ANXA8: variants seen among roughly 807,000 people sequenced by gnomAD.
The protein encoded by ANXA8 is VAC-beta.
A neutral mutation model predicts 26.8 loss-of-function variants in ANXA8; 9 were observed. The observed-to-expected ratio is 0.34, with a 90% CI of 0.20 to 0.59. The LOEUF is 0.59. Among genes scored for constraint, ANXA8 ranks in the 20% least tolerant of loss-of-function variants. The probability of loss-of-function intolerance (pLI) is 0.84; values close to 1 mark genes in which losing one functional copy is unlikely to be tolerated. For missense variants in ANXA8, 83 were observed against 238.5 expected, an observed-to-expected ratio of 0.35 and a Z score of 4.29; for synonymous variants, 39 against 94.8, an observed-to-expected ratio of 0.41 and a Z score of 3.42.
the ANXA8 span, among the ~76,000 whole-genome samples, chr10:47,940,806 C>T: frequency 9.5e-5 from 13 of 137,006 alleles, no homozygotes; most frequent in South Asian, 2.3e-4. Flanking sequence ...CCAGCTTAGG[C>T]GACAGAGTGA....
At chr10:47,554,929 C>G in the ANXA8 span, among the ~76,000 whole-genome samples, 1 of 151,550 alleles carries the variant, frequency 6.6e-6, no homozygotes, top group Non-Finnish European at 1.5e-5. Flanking sequence ...TCCTTTTGGT[C>G]TCATGAAGCC....
chr10:47,533,199 A>ACACG, the ANXA8 span, among the ~76,000 whole-genome samples: 1 of 140,060 alleles, frequency 7.1e-6, no homozygotes, highest in Non-Finnish European at 1.5e-5. Flanking sequence ...ACACACACAC[A>ACACG]CACACACACA....
chr10:47,653,084 G>A, the ANXA8 span, among the ~76,000 whole-genome samples: 2 of 150,796 alleles, frequency 1.3e-5, no homozygotes, highest in Non-Finnish European at 2.9e-5. Flanking sequence ...GGCCAAGGCA[G>A]GTAGATCATC....
At chr10:47,475,430 C>CCCAA in intron 6 of ANXA8, 63 bp downstream of exon 6, 8 of 1,609,068 alleles carry the variant, frequency 5.0e-6, no homozygotes, top group Middle Eastern at 2.3e-4. Context: ...AAGGGCTGCT[C>CCCAA]CCTGGGGTGG....
the ANXA8 span, among the ~76,000 whole-genome samples, chr10:47,605,672 C>T: frequency 1.3e-5 from 2 of 149,066 alleles, no homozygotes; most frequent in African/African-American, 5.1e-5. Context: ...AAGAAGGAAG[C>T]AGTACAATAA....
chr10:47,744,431 A>AGGGGGGAAGGGGGGGGGGGGGGGGGG, the ANXA8 span, among the ~76,000 whole-genome samples: 1 of 5,400 alleles, frequency 1.9e-4, no homozygotes, highest in African/African-American at 9.0e-4. Context: ...GTTGGGGGGG[A>AGGGGGGAAGGGGGGGGGGGGGGGGGG]GGGGGGAAGA....
At chr10:47,660,529 G>T in the ANXA8 span, among the ~76,000 whole-genome samples, 1 of 151,584 alleles carries the variant, frequency 6.6e-6, no homozygotes, top group Non-Finnish European at 1.5e-5. Context: ...GCCTCCCAAG[G>T]AGCTGGGATC....
At chr10:47,526,356 T>C in the ANXA8 span, among the ~76,000 whole-genome samples, 1 of 134,716 alleles carries the variant, frequency 7.4e-6, no homozygotes, top group African/African-American at 3.0e-5. Flanking sequence ...CCACCTGCCT[T>C]GGCCTCCCAA....
At chr10:47,694,373 A>G in the ANXA8 span, among the ~76,000 whole-genome samples, 3,887 of 149,372 alleles carry the variant, frequency 0.026, 43 homozygotes, top group Middle Eastern at 0.042. Flanking sequence ...TAGCTTGGGT[A>G]GTTCATACTA....
At chr10:47,711,107 A>G in the ANXA8 span, among the ~76,000 whole-genome samples, 1 of 148,496 alleles carries the variant, frequency 6.7e-6, no homozygotes, top group African/African-American at 2.6e-5. Context: ...CAAGGGAGTT[A>G]CCTTAACTCT....
At chr10:47,645,680 CT>C in the ANXA8 span, among the ~76,000 whole-genome samples, 2 of 151,518 alleles carry the variant, frequency 1.3e-5, no homozygotes, top group East Asian at 3.8e-4. Flanking sequence ...GCCCACATGG[CT>C]GATAAAACAT....
chr10:47,507,484 A>C, the ANXA8 span: 1 of 1,481,150 alleles, frequency 6.8e-7, no homozygotes, highest in Non-Finnish European at 9.0e-7. Flanking sequence ...GTGACCTAAC[A>C]CTGAGCTTGA....
chr10:47,594,030 A>G, the ANXA8 span, among the ~76,000 whole-genome samples: 1 of 146,484 alleles, frequency 6.8e-6, no homozygotes, highest in Non-Finnish European at 1.5e-5. Flanking sequence ...TCTTGGACTT[A>G]CACCAGTGGT....
the ANXA8 span, among the ~76,000 whole-genome samples, chr10:47,743,301 T>TATATATACATAC: frequency 2.4e-5 from 1 of 41,364 alleles, no homozygotes; most frequent in South Asian, 1.1e-3. Flanking sequence ...TATACACATA[T>TATATATACATAC]ATATATATAT....
the ANXA8 span, among the ~76,000 whole-genome samples, chr10:47,937,558 A>G: frequency 7.1e-6 from 1 of 140,994 alleles, no homozygotes; most frequent in African/African-American, 2.6e-5. Flanking sequence ...AGATTATTTA[A>G]TCACTCAGGT....
chr10:47,991,253 C>T, the ANXA8 span, among the ~76,000 whole-genome samples: 2 of 106,008 alleles, frequency 1.9e-5, no homozygotes, highest in Non-Finnish European at 4.0e-5. Flanking sequence ...GCTCCCCGCC[C>T]TCTGACCCTC....
At chr10:47,980,290 C>T in the ANXA8 span, among the ~76,000 whole-genome samples, 1 of 151,640 alleles carries the variant, frequency 6.6e-6, no homozygotes, top group Non-Finnish European at 1.5e-5. Context: ...CTTAGGGAGA[C>T]TTTTATAGCT....
the ANXA8 span, among the ~76,000 whole-genome samples, chr10:47,506,646 T>G: frequency 7.1e-6 from 1 of 141,418 alleles, no homozygotes; most frequent in Non-Finnish European, 1.5e-5. Flanking sequence ...TTGCTTTTTT[T>G]GTTTGTTTGT....
the ANXA8 span, among the ~76,000 whole-genome samples, chr10:47,521,460 A>T: frequency 7.1e-6 from 1 of 140,058 alleles, no homozygotes; most frequent in East Asian, 2.8e-4. Flanking sequence ...ATGAGTCTTA[A>T]TTATCCTACC....
Sources: allele counts gnomAD v4.1 joint callset (sites outside exome capture counted in the v4.1 genomes callset), GRCh38; gene constraint gnomAD v4.1.1; transcripts MANE v1.5; gene names NCBI Gene and HGNC (gene_info 2026-07-23, HGNC 2026-07-21).